Variants in DOCK2 observed in about 807,000 individuals in gnomAD.
DOCK2 encodes dedicator of cytokinesis protein 2.
Under a neutral mutation model 248.9 loss-of-function variants are expected in DOCK2, and 87 were observed. The observed-to-expected ratio is 0.35, with a 90% CI of 0.29 to 0.42. The LOEUF is 0.42. Ranked by LOEUF, DOCK2 falls within the 10% of genes least tolerant of loss-of-function variation. DOCK2 has a pLI of 1.00. For missense variants in DOCK2, 1,747 were observed against 2,300.2 expected (o/e 0.76, Z 4.92); for synonymous variants, 805 against 821.6 (o/e 0.98, Z 0.35).
Position 170,079,011 on chromosome 5 carries a change from A to G in DOCK2, c.5031A>G (p.Arg1677=). 1 of 1,614,086 alleles carries G rather than the reference A, an allele frequency of 6.2e-7. No homozygotes were observed. The highest frequency in any genetic ancestry group is 8.5e-7 in the Non-Finnish European group (1 of 1,180,006). Residue 1677 remains arginine, a synonymous_variant, in exon 49 of 52, where the codon AGA becomes AGG. Transcript: ENST00000520908. ...AATTAGCATCACCCAAGACGCCGAGAGTGGAGCAGGAGGAACCGATCTCCC... is the reference window on the plus strand; with the variant it reads ...AATTAGCATCACCCAAGACGCCGAGGGTGGAGCAGGAGGAACCGATCTCCC... The part of the protein sequence containing the change: ...DLELASPKTP[R]VEQEEPISPG...
intron 10 of DOCK2, 101 bp downstream of exon 10, chr5:169,696,039 C>G (rs1760604581): frequency 4.2e-6 from 6 of 1,425,268 alleles, no homozygotes; most frequent in South Asian, 1.6e-5. Flanking sequence ...CTGCTGCCCC[C>G]ACCCCTGCAA....
chr5:169,910,021 C>T (rs1445053096), intron 27 of DOCK2, among the ~76,000 whole-genome samples: 4 of 152,138 alleles, frequency 2.6e-5, no homozygotes, highest in Admixed American at 2.0e-4. Context: ...GTGCCTTTCT[C>T]TCAGCCATTG....
chr5:169,953,034 G>A (rs2113729175), intron 27 of DOCK2, among the ~76,000 whole-genome samples: 1 of 152,210 alleles, frequency 6.6e-6, no homozygotes, highest in South Asian at 2.1e-4. Flanking sequence ...AATTAAAAGA[G>A]AATTTGGGGC....
At chr5:169,674,253 G>A (rs1375044006) in intron 5 of DOCK2, 44 bp from the exon 6 acceptor site, 3 of 1,605,306 alleles carry the variant, frequency 1.9e-6, no homozygotes, top group Non-Finnish European at 2.6e-6. Context: ...AGATGGTCAT[G>A]CCCCTTTAAC....
Position 170,050,326 on chromosome 5 carries a change from A to T in DOCK2, c.4142A>T (p.Gln1381Leu). The T allele has an allele frequency of 1.2e-6, 2 of 1,614,218 alleles. No individual in the cohort carries two copies. Among genetic ancestry groups the T allele is most frequent in the South Asian group, 2.2e-5 (2 of 91,076 alleles). Residue 1381 changes from glutamine to leucine, a missense_variant, in exon 41 of 52, where the codon CAG (glutamine) becomes CTG (leucine). Around this residue, in one of 4 missense-constraint regions of DOCK2, gnomAD observed 513 missense variants for 586.1 expected, o/e 0.88. Transcript: ENST00000520908. ...REDFQMQLMTQFPNAEKMNTT... is the reference protein window; with the variant it reads ...REDFQMQLMTLFPNAEKMNTT... ...GATTTCCAGATGCAGCTGATGACCCAGTTCCCCAATGCAGAGAAGATGAAC... is the reference window on the plus strand; with the variant it reads ...GATTTCCAGATGCAGCTGATGACCCTGTTCCCCAATGCAGAGAAGATGAAC...
At chr5:169,759,644 C>T (rs1764371328) in intron 23 of DOCK2, 61 bp from the exon 24 acceptor site, 4 of 1,586,450 alleles carry the variant, frequency 2.5e-6, no homozygotes, top group East Asian at 2.2e-5. Context: ...AAAGTACCCT[C>T]TTTGCCAGCA....
intron 23 of DOCK2, among the ~76,000 whole-genome samples, chr5:169,756,423 G>A (rs11741221): frequency 0.03 from 4,598 of 152,298 alleles, 88 homozygotes; most frequent in Non-Finnish European, 0.044. Context: ...TGATGAGTAC[G>A]CGTTATAATC....
chr5:169,676,945 A>T (rs545549017), intron 6 of DOCK2, among the ~76,000 whole-genome samples: 1 of 152,210 alleles, frequency 6.6e-6, no homozygotes, highest in Non-Finnish European at 1.5e-5. Flanking sequence ...CTCACTGTAC[A>T]CCAGGCACCA....
At chr5:169,712,030 T>C in intron 16 of DOCK2, 23 bp downstream of exon 16, 1 of 1,614,104 alleles carries the variant, frequency 6.2e-7, no homozygotes, top group African/African-American at 1.3e-5. Context: ...CTGAATGGCA[T>C]CTCTGCACCT....
rs568290178 is a variant in DOCK2, at chr5:169,732,525, G to A, written c.2267+13734G>A. Among the ~76,000 whole-genome samples the A allele has an allele frequency of 4.6e-5, 7 of 152,202 alleles. No homozygotes were observed. The South Asian group carries it at 1.2e-3, about 27-fold the overall frequency. On this transcript the variant is annotated intron_variant, in intron 22 of 51. Coordinates refer to ENST00000520908, the MANE Select transcript of DOCK2 (RefSeq NM_004946.3). ...GTATATCAAAGGCAACTCAAAGTTA[G>A]CACATCGGGAATCAAATTCATGATG...
intron 27 of DOCK2, among the ~76,000 whole-genome samples, chr5:169,948,814 C>T (rs1776546846): frequency 6.6e-6 from 1 of 151,938 alleles, no homozygotes; most frequent in Non-Finnish European, 1.5e-5. Flanking sequence ...GGGCCAGTTC[C>T]TCAGGATGGT....
At position 169,799,763 on chromosome 5, in the gene DOCK2, G is replaced by A. The variant is rs575484312; in HGVS notation, c.2555-3295G>A. Among the ~76,000 whole-genome samples the A allele has an allele frequency of 7.2e-5, 11 of 152,220 alleles. No homozygotes were observed. The East Asian group carries it at 2.1e-3, about 29-fold the overall frequency. On this transcript the variant is annotated intron_variant, in intron 25 of 51. Transcript: ENST00000520908. Reference sequence around the variant, plus strand: ...CTTATCTTTCTAAACAAAGGGTAGTGGCTAATCAATGTATTGTACTCTCAA... The same window carrying A: ...CTTATCTTTCTAAACAAAGGGTAGTAGCTAATCAATGTATTGTACTCTCAA...
intron 27 of DOCK2, chr5:169,883,882 A>G: frequency 6.6e-7 from 1 of 1,506,444 alleles, no homozygotes; most frequent in Non-Finnish European, 8.9e-7. Context: ...TCTCACTTTC[A>G]TATTTTGCTG....
At chr5:170,025,358 A>T (rs1234223523) in intron 33 of DOCK2, among the ~76,000 whole-genome samples, 1 of 152,258 alleles carries the variant, frequency 6.6e-6, no homozygotes, top group Non-Finnish European at 1.5e-5. Flanking sequence ...GTGCTACAGC[A>T]GCAGAGTTCA....
At chr5:169,878,631 G>A (rs1772463786) in intron 27 of DOCK2, among the ~76,000 whole-genome samples, 1 of 152,176 alleles carries the variant, frequency 6.6e-6, no homozygotes, top group Non-Finnish European at 1.5e-5. Flanking sequence ...TAGGTTATTG[G>A]AAGGATTGAA....
intron 27 of DOCK2, among the ~76,000 whole-genome samples, chr5:169,973,781 C>G (rs1194173800): frequency 1.3e-5 from 2 of 152,192 alleles, no homozygotes; most frequent in Non-Finnish European, 2.9e-5. Context: ...AGGGCTGGTT[C>G]TGTCTATGTA....
At chr5:169,802,703 G>A (rs929535490) in intron 25 of DOCK2, among the ~76,000 whole-genome samples, 1 of 152,036 alleles carries the variant, frequency 6.6e-6, no homozygotes, top group Non-Finnish European at 1.5e-5. Context: ...GTATAAAAGG[G>A]TCTTGGAAGT....
chr5:169,827,684 A>G (rs1768954199), intron 26 of DOCK2, among the ~76,000 whole-genome samples: 1 of 152,204 alleles, frequency 6.6e-6, no homozygotes. Flanking sequence ...AAATCAAGGA[A>G]AATAAATGAG....
At chr5:169,801,261 C>T (rs995731444) in intron 25 of DOCK2, among the ~76,000 whole-genome samples, 6 of 145,592 alleles carry the variant, frequency 4.1e-5, no homozygotes, top group Non-Finnish European at 6.0e-5. Flanking sequence ...CTTAGCCTCC[C>T]AAAGTGCTGA....
Sources: allele counts gnomAD v4.1 joint callset (sites outside exome capture counted in the v4.1 genomes callset), GRCh38; gene constraint gnomAD v4.1.1; regional missense constraint gnomAD v4.1.1; transcripts MANE v1.5; gene names NCBI Gene and HGNC (gene_info 2026-07-23, HGNC 2026-07-21).